OOSP2: variants seen among roughly 807,000 people sequenced by gnomAD.
OOSP2 encodes oocyte-secreted protein 2.
A neutral mutation model predicts 13.4 loss-of-function variants in OOSP2; 7 were observed. The ratio of observed to expected loss-of-function variants is 0.52; its 90% CI spans 0.30 to 0.98. OOSP2 has a LOEUF of 0.98. Among genes scored for constraint, OOSP2 ranks in the 50% least tolerant of loss-of-function variants. The pLI is 0.07. For synonymous variants in OOSP2, 75 were observed against 67.2 expected (o/e 1.12, Z -0.57); for missense variants, 184 against 188.5 (o/e 0.98, Z 0.14).
chr11:60,041,416 G>A (rs1173367845), intron 1 of OOSP2, among the ~76,000 whole-genome samples: 9 of 152,136 alleles, frequency 5.9e-5, no homozygotes, highest in Admixed American at 5.9e-4. Flanking sequence ...TGTGAATTCT[G>A]GCTATTTAGG....
rs149875013 is a variant in OOSP2, at chr11:60,041,024, C to T, written c.64+501C>T. On this transcript the variant is annotated intron_variant, in intron 1 of 3. Coordinates refer to ENST00000278855, the MANE Select transcript of OOSP2 (RefSeq NM_173801.5). ...GTTCTGCAAAGTTAATAGGAGAAAG[C>T]TAAGTCAGCGCGTTGCTGTCTACAA... Among the ~76,000 whole-genome samples the T allele has an allele frequency of 9.9e-3, 1,504 of 152,312 alleles. 30 individuals are homozygous for T. Among genetic ancestry groups the T allele is most frequent in the African/African-American group, 0.034 (1,417 of 41,554 alleles).
chr11:60,046,625 A>G, intron 3 of OOSP2: 1 of 482,130 alleles, frequency 2.1e-6, no homozygotes, highest in South Asian at 1.6e-5. Flanking sequence ...CTTAGGATCC[A>G]TTTGGCTGAG....
chr11:60,043,139 T>C (rs1854959262), intron 1 of OOSP2, among the ~76,000 whole-genome samples: 2 of 151,994 alleles, frequency 1.3e-5, no homozygotes. Flanking sequence ...CTCCTGACCT[T>C]GTAATGCGCC....
intron 1 of OOSP2, among the ~76,000 whole-genome samples, chr11:60,040,892 G>T (rs146688059): frequency 1.3e-5 from 2 of 152,286 alleles, no homozygotes; most frequent in African/African-American, 4.8e-5. Flanking sequence ...CATCTTAGCT[G>T]ATCTTCCTGC....
rs958003958 is a variant in OOSP2, at chr11:60,047,538, C to G, written c.*465C>G. ...GGCAAAATCCTTTTATGTGCAGATA[C>G]TTTAATTCATGTAGATTTTCCTATT... is the stretch of plus-strand genomic sequence containing the variant. On this transcript the variant is annotated 3_prime_UTR_variant, in exon 4 of 4. Transcript: ENST00000278855. 3 of 152,276 alleles carry G rather than the reference C, an allele frequency of 2.0e-5. No individual in the cohort carries two copies. The highest frequency in any genetic ancestry group is 7.2e-5 in the African/African-American group (3 of 41,460). The allele number at this position is 152,276 out of a possible 1,614,324, so 9.4% of individuals were successfully genotyped here. A position where few individuals can be genotyped will look rare whatever the true frequency, so the allele number is the denominator to read the frequency against.
chr11:60,044,828 T>G (rs1289152288), intron 3 of OOSP2, 54 bp downstream of exon 3: 1 of 818,100 alleles, frequency 1.2e-6, no homozygotes, highest in Non-Finnish European at 2.1e-6. Context: ...CCTTTGCTTA[T>G]GAGAAGCTTC....
Position 60,043,633 on chromosome 11 carries a change from G to A in OOSP2, c.229G>A (p.Gly77Ser), listed in dbSNP as rs755572882. The A allele has an allele frequency of 3.1e-6, 5 of 1,596,448 alleles. No homozygotes were observed. The South Asian group carries it at 5.5e-5, about 18-fold the overall frequency. The change falls in exon 2 of 4, where the codon GGC becomes AGC. Residue 77 changes from glycine (G) to serine (S), a missense_variant. Coordinates refer to ENST00000278855, the MANE Select transcript of OOSP2 (RefSeq NM_173801.5). ...GTTTATATATCTTGTTCGTGATTGTGGCATCAGGACAAGGGTAAGAACAGT... is the reference window on the plus strand; with the variant it reads ...GTTTATATATCTTGTTCGTGATTGTAGCATCAGGACAAGGGTAAGAACAGT... ...YEFIYLVRDC[G>S]IRTRVVSEET...
intron 2 of OOSP2, among the ~76,000 whole-genome samples, chr11:60,044,289 T>G (rs947930828): frequency 6.6e-6 from 1 of 152,226 alleles, no homozygotes; most frequent in African/African-American, 2.4e-5. Flanking sequence ...GCACTGCTTG[T>G]TGGTGGTAGT....
chr11:60,043,678 T>C (rs747342726), intron 2 of OOSP2, 31 bp downstream of exon 2: 21 of 1,305,266 alleles, frequency 1.6e-5, no homozygotes, highest in South Asian at 1.2e-4. Flanking sequence ...TAAAAAATAC[T>C]GCATGTTTTG....
intron 3 of OOSP2, among the ~76,000 whole-genome samples, chr11:60,045,491 T>A (rs1485732771): frequency 6.6e-6 from 1 of 152,176 alleles, no homozygotes; most frequent in Non-Finnish European, 1.5e-5. Context: ...GTGAAAATAG[T>A]TGACATCAAA....
chr11:60,040,645 G>A (rs143235855), intron 1 of OOSP2, 122 bp downstream of exon 1: 226 of 644,454 alleles, frequency 3.5e-4, no homozygotes, highest in African/African-American at 3.4e-3. Context: ...AAGAAGAAGC[G>A]CTTTCAGGCC....
chr11:60,046,823 T>C, intron 3 of OOSP2, 121 bp from the exon 4 acceptor site: 2 of 854,984 alleles, frequency 2.3e-6, no homozygotes, highest in Non-Finnish European at 4.1e-6. Flanking sequence ...CATAGTATGC[T>C]GGCTCTATGC....
At position 60,044,096 on chromosome 11, in the gene OOSP2, C is replaced by A. The variant is rs1001717064; in HGVS notation, c.243+449C>A. ...TCAGCTAGGCACAAATCCTAAATTGCGTTGTTATCCTGGGATATTATCTTC... is the reference window on the plus strand; with the variant it reads ...TCAGCTAGGCACAAATCCTAAATTGAGTTGTTATCCTGGGATATTATCTTC... On this transcript the variant is annotated intron_variant, in intron 2 of 3. Transcript: ENST00000278855. Among the ~76,000 whole-genome samples the A allele has an allele frequency of 3.3e-5, 5 of 152,158 alleles. No homozygotes were observed. The South Asian group carries it at 8.3e-4, about 25-fold the overall frequency.
chr11:60,047,003 C>T lies in OOSP2; in HGVS notation c.407C>T (p.Pro136Leu). 6.2e-7 allele frequency: 1 copy of T among 1,605,012 alleles called. No homozygotes were observed. Among genetic ancestry groups the T allele is most frequent in the South Asian group, 1.1e-5 (1 of 90,874 alleles). ...AATGAAATAAAATTGGATCCTAGTC[C>T]TTTTATTGCTGACTTTCAGACAACA... ...TENEIKLDPS[P>L]FIADFQTTAE... Residue 136 changes from proline (P) to leucine (L), a missense_variant, in exon 4 of 4, where the codon CCT becomes CTT. Pro to Leu is a moderately conservative substitution (Grantham distance 98, BLOSUM62 -3). Coordinates refer to ENST00000278855, the MANE Select transcript of OOSP2 (RefSeq NM_173801.5).
intron 1 of OOSP2, among the ~76,000 whole-genome samples, chr11:60,040,773 A>G (rs1027239139): frequency 6.6e-6 from 1 of 152,000 alleles, no homozygotes; most frequent in African/African-American, 2.4e-5. Flanking sequence ...CTTGAGACTC[A>G]TTTTCAGAGG....
chr11:60,043,745 C>T (rs1488229541), intron 2 of OOSP2, 98 bp downstream of exon 2: 11 of 668,764 alleles, frequency 1.6e-5, no homozygotes, highest in South Asian at 2.3e-5. Flanking sequence ...GTTTGCTTCT[C>T]ATTGTAGTAA....
intron 3 of OOSP2, among the ~76,000 whole-genome samples, chr11:60,046,343 C>G (rs1403044371): frequency 6.6e-6 from 1 of 152,092 alleles, no homozygotes; most frequent in Admixed American, 6.6e-5. Flanking sequence ...TGATCTAATG[C>G]CTCAGAACTA....
chr11:60,043,588 A>G lies in OOSP2; in HGVS notation c.184A>G (p.Ile62Val). ...GGGAATGGGCTGCCCTGCAAATCGG[A>G]TACATACATATGTATATGAGTTTAT... Reference protein sequence around the residue: ...HLGMGCPANRIHTYVYEFIYL... With the variant: ...HLGMGCPANRVHTYVYEFIYL... The change falls in exon 2 of 4, where the codon ATA (isoleucine) becomes GTA (valine). Residue 62 changes from isoleucine (I) to valine (V), a missense_variant. Coordinates refer to ENST00000278855, the MANE Select transcript of OOSP2 (RefSeq NM_173801.5). The G allele has an allele frequency of 6.2e-7, 1 of 1,608,796 alleles. No individual in the cohort carries two copies. Among genetic ancestry groups the G allele is most frequent in the Non-Finnish European group, 8.5e-7 (1 of 1,175,176 alleles).
At chr11:60,041,850 C>CAAAAAAAAAAAAAAAAAAAA (rs571172974) in intron 1 of OOSP2, among the ~76,000 whole-genome samples, 22 of 36,436 alleles carry the variant, frequency 6.0e-4, no homozygotes, top group African/African-American at 2.6e-3. Context: ...GACTCTGTCT[C>CAAAAAAAAAAAAAAAAAAAA]AAAAAAAAAA....
Sources: allele counts gnomAD v4.1 joint callset (sites outside exome capture counted in the v4.1 genomes callset), GRCh38; gene constraint gnomAD v4.1.1; transcripts MANE v1.5; gene names NCBI Gene and HGNC (gene_info 2026-07-23, HGNC 2026-07-21).